TOM1L1: variants seen among roughly 807,000 people sequenced by gnomAD.
TOM1L1 encodes the protein target of myb1 like 1 membrane trafficking protein, also known as TOM1-like protein 1.
A neutral mutation model predicts 63.4 loss-of-function variants in TOM1L1; 64 were observed. The ratio of observed to expected loss-of-function variants is 1.01; its 90% CI spans 0.83 to 1.24. The LOEUF is 1.24. Ranked by LOEUF, TOM1L1 falls within the 50% of genes most tolerant of loss-of-function variation. TOM1L1 has a pLI of 0.00. For synonymous variants in TOM1L1, 166 were observed against 194.4 expected, an observed-to-expected ratio of 0.85 and a Z score of 1.22; for missense variants, 536 against 567.0, an observed-to-expected ratio of 0.95 and a Z score of 0.55.
At chr17:54,935,258 AGGGCAG>A (rs147286234) in intron 8 of TOM1L1, among the ~76,000 whole-genome samples, 3,706 of 152,062 alleles carry the variant, frequency 0.024, 147 homozygotes, top group African/African-American at 0.083. Context: ...TGTTCTCTGG[AGGGCAG>A]GGGCAGGAGT....
At chr17:54,930,341 A>G in intron 8 of TOM1L1, 135 bp downstream of exon 8, 1 of 1,266,726 alleles carries the variant, frequency 7.9e-7, no homozygotes, top group South Asian at 1.4e-5. Flanking sequence ...AGGTATTGGC[A>G]TGTGGGGTGG....
intron 2 of TOM1L1, among the ~76,000 whole-genome samples, chr17:54,904,133 C>G (rs930775730): frequency 6.6e-6 from 1 of 151,976 alleles, no homozygotes; most frequent in Non-Finnish European, 1.5e-5. Context: ...TTTGGGAGGC[C>G]GAGGCGGGCG....
intron 11 of TOM1L1, chr17:54,942,606 CA>C (rs1385305769): frequency 6.6e-6 from 1 of 152,162 alleles, no homozygotes; most frequent in Non-Finnish European, 1.5e-5. Context: ...AAATGGGATT[CA>C]AAATCAAATT....
At chr17:54,938,026 T>A (rs901567325) in intron 10 of TOM1L1, 1 of 152,198 alleles carries the variant, frequency 6.6e-6, no homozygotes, top group Admixed American at 6.5e-5. Context: ...ATATTCAGTA[T>A]CACTGAATTT....
intron 8 of TOM1L1, among the ~76,000 whole-genome samples, chr17:54,930,791 A>G (rs2877637): frequency 0.75 from 113,347 of 152,032 alleles, 42,690 homozygotes; most frequent in African/African-American, 0.84. Context: ...GTGGTGAGCC[A>G]AGATCATGCC....
chr17:54,949,949 A>C lies in TOM1L1; in HGVS notation c.1289-96A>C, dbSNP rs2049185829. ...GTCTGTTTTGGTTGTGTTTATTAGG[A>C]TCTAATATTTGAAGTCTAAATTATA... On this transcript the variant is annotated intron_variant, in intron 13 of 15. Transcript: ENST00000575882. The C allele has an allele frequency of 6.2e-6, 6 of 970,466 alleles. No individual in the cohort carries two copies. The South Asian group carries it at 9.4e-5, about 15-fold the overall frequency. 60.1% of individuals were successfully genotyped at this position (970,466 alleles called of 1,614,324 possible).
intron 8 of TOM1L1, among the ~76,000 whole-genome samples, chr17:54,932,076 T>A (rs1412046888): frequency 1.3e-5 from 2 of 151,898 alleles, no homozygotes; most frequent in Non-Finnish European, 2.9e-5. Context: ...TGCCTCAGCC[T>A]GTAGCAGGAC....
At chr17:54,909,152 G>A (rs1375597096) in intron 3 of TOM1L1, among the ~76,000 whole-genome samples, 7 of 152,110 alleles carry the variant, frequency 4.6e-5, no homozygotes, top group Admixed American at 2.0e-4. Flanking sequence ...CCAGCTACTC[G>A]GGAGGCTGAG....
At chr17:54,949,957 T>G (rs958821844) in intron 13 of TOM1L1, 88 bp from the exon 14 acceptor site, 3 of 1,051,936 alleles carry the variant, frequency 2.9e-6, no homozygotes, top group Non-Finnish European at 4.3e-6. Flanking sequence ...GGATCTAATA[T>G]TTGAAGTCTA....
At chr17:54,942,375 C>G (rs1339882281) in intron 11 of TOM1L1, 1 of 151,868 alleles carries the variant, frequency 6.6e-6, no homozygotes, top group East Asian at 1.9e-4. Flanking sequence ...TCCTGAAGTG[C>G]TGGGATTACA....
chr17:54,903,850 C>A, intron 2 of TOM1L1, 58 bp downstream of exon 2: 1 of 1,450,492 alleles, frequency 6.9e-7, no homozygotes, highest in Non-Finnish European at 9.6e-7. Flanking sequence ...AGAACTACAG[C>A]ACGTTTTCTC....
intron 11 of TOM1L1, among the ~76,000 whole-genome samples, chr17:54,945,574 TTCTC>T (rs1204383252): frequency 1.3e-5 from 2 of 152,206 alleles, no homozygotes; most frequent in South Asian, 2.1e-4. Flanking sequence ...TACTCTTTGC[TTCTC>T]TCTGTTTAGA....
chr17:54,936,617 T>A (rs766211004), intron 8 of TOM1L1, 32 bp from the exon 9 acceptor site: 32 of 1,559,030 alleles, frequency 2.1e-5, no homozygotes, highest in Middle Eastern at 3.4e-4. Flanking sequence ...TATATTTTTT[T>A]AAAAACACAT....
At chr17:54,931,610 G>A (rs2048859495) in intron 8 of TOM1L1, among the ~76,000 whole-genome samples, 1 of 152,030 alleles carries the variant, frequency 6.6e-6, no homozygotes, top group South Asian at 2.1e-4. Flanking sequence ...AGACCAGCCT[G>A]GGCAACATGG....
chr17:54,948,619 T>C (rs1248217124), intron 12 of TOM1L1, among the ~76,000 whole-genome samples: 1 of 152,228 alleles, frequency 6.6e-6, no homozygotes, highest in Admixed American at 6.5e-5. Context: ...CCCACTACTC[T>C]GCTTTTATAT....
chr17:54,902,139 C>A (rs544957086), intron 1 of TOM1L1, among the ~76,000 whole-genome samples: 1 of 152,168 alleles, frequency 6.6e-6, no homozygotes, highest in Admixed American at 6.5e-5. Flanking sequence ...TGTGTGGCAC[C>A]TTTGCAATGC....
intron 3 of TOM1L1, among the ~76,000 whole-genome samples, chr17:54,907,259 A>G (rs910028880): frequency 2.6e-5 from 4 of 151,540 alleles, no homozygotes; most frequent in African/African-American, 9.7e-5. Context: ...TCCCAGAATG[A>G]TGGGTCACTG....
In TOM1L1 at chr17:54,931,581, C is replaced by T. The variant is rs557605051; in HGVS notation, c.854+1375C>T. On this transcript the variant is annotated intron_variant, in intron 8 of 15. Transcript: ENST00000575882. ...TTGGGAGGCTGAGGTGGGCGGATTA[C>T]TTGAGCTCAGGAAGTTTGAGACCAG... Among the ~76,000 whole-genome samples the T allele has an allele frequency of 2.0e-5, 3 of 152,252 alleles. No individual in the cohort carries two copies. In the East Asian group the frequency reaches 5.8e-4, roughly 29 times the overall value.
intron 3 of TOM1L1, 108 bp from the exon 4 acceptor site, chr17:54,912,558 T>G (rs2048513687): frequency 4.3e-6 from 4 of 925,576 alleles, no homozygotes; most frequent in Non-Finnish European, 6.1e-6. Flanking sequence ...AAATTATGTT[T>G]GTTAATTAGG....
Sources: allele counts gnomAD v4.1 joint callset (sites outside exome capture counted in the v4.1 genomes callset), GRCh38; gene constraint gnomAD v4.1.1; transcripts MANE v1.5; gene names NCBI Gene and HGNC (gene_info 2026-07-23, HGNC 2026-07-21).